Variants in KNDC1 observed in about 807,000 individuals in gnomAD.
KNDC1 encodes the protein kinase non-catalytic C-lobe domain-containing protein 1.
KNDC1 carries 106 observed loss-of-function variants against 172.8 expected under a neutral mutation model. The ratio of observed to expected loss-of-function variants is 0.61; its 90% CI spans 0.52 to 0.72. The LOEUF (loss-of-function observed/expected upper bound fraction) is 0.72. KNDC1 is among the 30% of genes least tolerant of loss of function. The pLI is 0.00. For missense variants in KNDC1, 2,325 were observed against 2,394.5 expected (o/e 0.97, Z 0.61); for synonymous variants, 1,083 against 1,062.2 (o/e 1.02, Z -0.38).
chr10:133,206,055 C>T (rs1274072925), intron 17 of KNDC1, among the ~76,000 whole-genome samples: 1 of 151,832 alleles, frequency 6.6e-6, no homozygotes, highest in Admixed American at 6.6e-5. Context: ...ACAAAATTAG[C>T]CGGGCATGGT....
In KNDC1 at chr10:133,167,583, AGGCGGCGGTGGCGGT is replaced by A. The variant is rs769286518; in HGVS notation, c.301+13_301+27del. 3.2e-6 allele frequency: 5 copies of A among 1,579,240 alleles called. No individual in the cohort carries two copies. The highest frequency in any genetic ancestry group is 1.7e-4 in the Middle Eastern group (1 of 6,018). On this transcript the variant is annotated splice_donor_5th_base_variant and intron_variant, in intron 2 of 29. Coordinates refer to ENST00000304613, the MANE Select transcript of KNDC1 (RefSeq NM_152643.8). ...TGTTTCATGGAGCAGCTCAGCGGTG[AGGCGGCGGTGGCGGT>A]GGCGGCGGCGGCGGGCACGCGGGGT...
chr10:133,160,594 G>A (rs1309649778), intron 1 of KNDC1, 25 bp downstream of exon 1: 23 of 1,505,516 alleles, frequency 1.5e-5, no homozygotes, highest in Non-Finnish European at 2.1e-5. Flanking sequence ...CCACTGGGGG[G>A]CCCCTTCCGC....
At chr10:133,214,146 C>A in intron 26 of KNDC1, 24 bp downstream of exon 26, 1 of 1,612,188 alleles carries the variant, frequency 6.2e-7, no homozygotes, top group Non-Finnish European at 8.5e-7. Context: ...AGTTCCGAGG[C>A]CAACACGGGG....
Position 133,201,716 on chromosome 10 carries a change from C to A in KNDC1, c.3205C>A (p.Leu1069Met). 1 of 1,609,248 alleles carries A rather than the reference C, an allele frequency of 6.2e-7. No individual in the cohort carries two copies. The highest frequency in any genetic ancestry group is 8.5e-7 in the Non-Finnish European group (1 of 1,178,212). ...CTCAGACGTGGAGGCAGTGACCCGA[C>A]TGGCCAGGTCCAAAGGGGTCGGCCC... ...GASDVEAVTRLARSKGVGPAL... is the reference protein window; with the variant it reads ...GASDVEAVTRMARSKGVGPAL... The change falls in exon 17 of 30, where the codon CTG becomes ATG. Residue 1069 changes from leucine (L) to methionine (M), a missense_variant. Coordinates refer to ENST00000304613, the MANE Select transcript of KNDC1 (RefSeq NM_152643.8).
At chr10:133,213,561 C>A in intron 24 of KNDC1, 84 bp from the exon 25 acceptor site, 2 of 1,206,858 alleles carry the variant, frequency 1.7e-6, no homozygotes, top group Non-Finnish European at 2.4e-6. Flanking sequence ...CCCCAGAAAA[C>A]ACCCACCCTC....
intron 25 of KNDC1, 27 bp from the exon 26 acceptor site, chr10:133,213,945 G>T (rs1390711329): frequency 1.2e-6 from 2 of 1,613,794 alleles, no homozygotes; most frequent in Non-Finnish European, 1.7e-6. Context: ...AGTCCTGGGG[G>T]TGACAGGGAC....
rs1465863939 is a variant in KNDC1, at chr10:133,167,554, CGT to C, written c.281_282del (p.Cys94PhefsTer10). ...DTLAFNTSGN[V>X]CFMEQLSDDP... ...CCCTGGCCTTCAACACCAGCGGGAA[CGT>C]GTGTTTCATGGAGCAGCTCAGCGGT... On this transcript the variant is annotated frameshift_variant, in exon 2 of 30. Coordinates refer to ENST00000304613, the MANE Select transcript of KNDC1 (RefSeq NM_152643.8). LOFTEE classifies it high-confidence loss of function. 1.9e-6 allele frequency: 3 copies of C among 1,600,150 alleles called. No individual in the cohort carries two copies. Among genetic ancestry groups the C allele is most frequent in the Non-Finnish European group, 8.5e-7 (1 of 1,173,828 alleles).
intron 5 of KNDC1, among the ~76,000 whole-genome samples, chr10:133,185,255 T>A (rs1853857516): frequency 6.9e-6 from 1 of 144,554 alleles, no homozygotes; most frequent in Non-Finnish European, 1.5e-5. Context: ...GTGTGTGCAG[T>A]GTAGAGTAGG....
At chr10:133,168,816 C>G (rs1461650449) in intron 3 of KNDC1, among the ~76,000 whole-genome samples, 1 of 152,158 alleles carries the variant, frequency 6.6e-6, no homozygotes, top group African/African-American at 2.4e-5. Flanking sequence ...CCCTGGGGGC[C>G]TCACCGGCAG....
rs148563613 is a variant in KNDC1, at chr10:133,161,636, C to T, written c.102+1067C>T. 1.4e-3 allele frequency among the ~76,000 whole-genome samples: 218 copies of T among 152,226 alleles called. 7 individuals are homozygous for T. In the East Asian group the frequency reaches 0.033, roughly 23 times the overall value. On this transcript the variant is annotated intron_variant, in intron 1 of 29. Coordinates refer to ENST00000304613, the MANE Select transcript of KNDC1 (RefSeq NM_152643.8). ...TGAGGCTGTGCGGGGGTTGGCGATG[C>T]CCCCGCCCCCACCATGGCCTGGATT...
chr10:133,172,063 G>A (rs1469726023), intron 3 of KNDC1, among the ~76,000 whole-genome samples: 1 of 152,118 alleles, frequency 6.6e-6, no homozygotes, highest in African/African-American at 2.4e-5. Flanking sequence ...CCCATCCGAT[G>A]GTCCTGCTAC....
In KNDC1 at chr10:133,206,849, C is replaced by CCCACAGACTTGA; in HGVS notation, c.3482-1_3482insACTTGACCACAG. On this transcript the variant is annotated splice_polypyrimidine_tract_variant and splice_region_variant and intron_variant, in intron 18 of 29. Coordinates refer to ENST00000304613, the MANE Select transcript of KNDC1 (RefSeq NM_152643.8). ...CCCGGCCCCCACCCACTCTGCTCCA[C>CCCACAGACTTGA]CCACAGGTTCCGACGTCAAGACCAT... is the stretch of plus-strand genomic sequence containing the variant. 6.2e-7 allele frequency: 1 copy of CCCACAGACTTGA among 1,614,042 alleles called. No individual in the cohort carries two copies. Among genetic ancestry groups the CCCACAGACTTGA allele is most frequent in the Non-Finnish European group, 8.5e-7 (1 of 1,179,930 alleles).
intron 29 of KNDC1, among the ~76,000 whole-genome samples, chr10:133,223,957 A>C (rs1564904459): frequency 2.5e-5 from 3 of 120,718 alleles, no homozygotes; most frequent in Non-Finnish European, 4.9e-5. Context: ...GTGTGAGCCC[A>C]TCCAGGCATG....
intron 26 of KNDC1, among the ~76,000 whole-genome samples, chr10:133,215,884 C>T (rs1844986882): frequency 6.6e-6 from 1 of 152,264 alleles, no homozygotes; most frequent in African/African-American, 2.4e-5. Flanking sequence ...GAGCTCGGCA[C>T]TGCTGCCACA....
chr10:133,195,908 C>T lies in KNDC1; in HGVS notation c.1734+87C>T, dbSNP rs191685382. 219 of 1,328,294 alleles carry T rather than the reference C, an allele frequency of 1.6e-4. No homozygotes were observed. In the Middle Eastern group the frequency reaches 2.1e-3, roughly 13 times the overall value. 82.3% of individuals were successfully genotyped at this position (1,328,294 alleles called of 1,614,324 possible). ...TCGCTGAGCTGGGGGTGGAGGAGCA[C>T]GGGCTGCCAGTGTCCAGGTGATGAG... On this transcript the variant is annotated intron_variant, in intron 10 of 29. Coordinates refer to ENST00000304613, the MANE Select transcript of KNDC1 (RefSeq NM_152643.8).
intron 3 of KNDC1, among the ~76,000 whole-genome samples, chr10:133,176,336 G>A (rs1853538284): frequency 6.6e-6 from 1 of 152,104 alleles, no homozygotes; most frequent in Non-Finnish European, 1.5e-5. Flanking sequence ...TGGGTTCCAG[G>A]TGCCTGGATG....
intron 10 of KNDC1, 88 bp downstream of exon 10, chr10:133,195,909 G>C (rs1854178500): frequency 7.6e-7 from 1 of 1,320,516 alleles, no homozygotes; most frequent in African/African-American, 1.5e-5. Context: ...GGAGGAGCAC[G>C]GGCTGCCAGT....
At chr10:133,168,823 G>C (rs1853273755) in intron 3 of KNDC1, among the ~76,000 whole-genome samples, 1 of 152,194 alleles carries the variant, frequency 6.6e-6, no homozygotes, top group South Asian at 2.1e-4. Flanking sequence ...GGCCTCACCG[G>C]CAGAGTCATA....
chr10:133,185,333 G>A (rs894277367), intron 5 of KNDC1, among the ~76,000 whole-genome samples: 2 of 135,570 alleles, frequency 1.5e-5, no homozygotes, highest in African/African-American at 5.4e-5. Context: ...GTGTGGAGTA[G>A]GCAGTGTGTG....
Sources: allele counts gnomAD v4.1 joint callset (sites outside exome capture counted in the v4.1 genomes callset), GRCh38; gene constraint gnomAD v4.1.1; transcripts MANE v1.5; gene names NCBI Gene and HGNC (gene_info 2026-07-23, HGNC 2026-07-21).